Variants in UGT2A2 observed in about 807,000 individuals in gnomAD.
The protein encoded by UGT2A2 is UDP glucuronosyltransferase family 2 member A2.
UGT2A2 carries 60 observed loss-of-function variants against 50.7 expected under a neutral mutation model. That is an observed-to-expected ratio of 1.18 (90% CI 0.96 to 1.47). UGT2A2 has a LOEUF of 1.47. Ranked by LOEUF, UGT2A2 falls within the 40% of genes most tolerant of loss-of-function variation. UGT2A2 has a pLI of 0.00. For synonymous variants in UGT2A2, 242 were observed against 214.6 expected, an observed-to-expected ratio of 1.13 and a Z score of -1.11; for missense variants, 762 against 634.0, an observed-to-expected ratio of 1.20 and a Z score of -2.17.
At chr4:69,619,982 C>T (rs897442764) in intron 1 of UGT2A2, among the ~76,000 whole-genome samples, 18 of 151,892 alleles carry the variant, frequency 1.2e-4, no homozygotes, top group African/African-American at 4.3e-4. Flanking sequence ...AAGAAACATA[C>T]CTCAAAATAA....
intron 1 of UGT2A2, among the ~76,000 whole-genome samples, chr4:69,620,780 G>C (rs1206642683): frequency 1.3e-5 from 2 of 151,602 alleles, no homozygotes; most frequent in Non-Finnish European, 2.9e-5. Context: ...TATGGCACTG[G>C]TACAAAAACA....
At chr4:69,590,294 C>T (rs1215268449) in intron 5 of UGT2A2, among the ~76,000 whole-genome samples, 1 of 152,182 alleles carries the variant, frequency 6.6e-6, no homozygotes, top group Non-Finnish European at 1.5e-5. Context: ...AATTAGAGCT[C>T]TAAATCAACT....
chr4:69,596,676 C>T (rs996458657), intron 2 of UGT2A2, among the ~76,000 whole-genome samples: 5 of 152,110 alleles, frequency 3.3e-5, no homozygotes, highest in African/African-American at 1.2e-4. Context: ...CTCATGCCAT[C>T]GTGTCTGGCT....
chr4:69,619,080 G>C (rs1458173261), intron 1 of UGT2A2, among the ~76,000 whole-genome samples: 1 of 151,688 alleles, frequency 6.6e-6, no homozygotes, highest in African/African-American at 2.4e-5. Flanking sequence ...TCAGAAAAAA[G>C]TTTATCAATA....
At chr4:69,620,299 A>G (rs1443758833) in intron 1 of UGT2A2, among the ~76,000 whole-genome samples, 3 of 151,812 alleles carry the variant, frequency 2.0e-5, no homozygotes, top group African/African-American at 7.3e-5. Context: ...AGGAAAAAAA[A>G]TCTATCTACA....
At position 69,589,481 on chromosome 4, in the gene UGT2A2, A is replaced by C. The variant is rs199840845; in HGVS notation, c.1502T>G (p.Ile501Ser). Residue 501 changes from isoleucine to serine, a missense_variant, in exon 6 of 6, where the codon ATT becomes AGT. Coordinates refer to ENST00000604629, the MANE Select transcript of UGT2A2 (RefSeq NM_001105677.2). ...TWFQYHSLDV[I>S]GFLLVCVTTA... ...TGTCACACAGACCAGCAAGAACCCA[A>C]TTACATCCAAAGAGTGGTACTGGAA... is the stretch of plus-strand genomic sequence containing the variant. The C allele has an allele frequency of 6.2e-7, 1 of 1,614,102 alleles. No individual in the cohort carries two copies. The highest frequency in any genetic ancestry group is 1.3e-5 in the African/African-American group (1 of 75,024).
At chr4:69,621,217 C>T (rs1161581277) in intron 1 of UGT2A2, among the ~76,000 whole-genome samples, 1 of 151,926 alleles carries the variant, frequency 6.6e-6, no homozygotes, top group African/African-American at 2.4e-5. Context: ...AGACAATCTA[C>T]AGAATGAGAG....
intron 1 of UGT2A2, among the ~76,000 whole-genome samples, chr4:69,629,033 G>T (rs1721243479): frequency 6.6e-6 from 1 of 151,784 alleles, no homozygotes; most frequent in South Asian, 2.1e-4. Context: ...CTCTTCTCCT[G>T]AACTATGTTA....
intron 1 of UGT2A2, among the ~76,000 whole-genome samples, chr4:69,633,338 G>A (rs1045874105): frequency 6.6e-6 from 1 of 152,150 alleles, no homozygotes; most frequent in Non-Finnish European, 1.5e-5. Flanking sequence ...GATGACAATG[G>A]AGAAGAGCTG....
chr4:69,612,032 A>G (rs1474257087), intron 1 of UGT2A2, among the ~76,000 whole-genome samples: 1 of 152,092 alleles, frequency 6.6e-6, no homozygotes, highest in Non-Finnish European at 1.5e-5. Flanking sequence ...GTCAGCACTC[A>G]TGTGAAGTTC....
At chr4:69,600,967 A>G (rs1339519384) in intron 1 of UGT2A2, among the ~76,000 whole-genome samples, 1 of 152,052 alleles carries the variant, frequency 6.6e-6, no homozygotes, top group African/African-American at 2.4e-5. Flanking sequence ...TTGACATAAG[A>G]CTTGGGCAGA....
At chr4:69,630,673 A>G (rs866099377) in intron 1 of UGT2A2, among the ~76,000 whole-genome samples, 4 of 152,160 alleles carry the variant, frequency 2.6e-5, no homozygotes, top group Non-Finnish European at 5.9e-5. Flanking sequence ...ACTGGTCACA[A>G]AATAAAAACC....
In UGT2A2 at chr4:69,638,977, T is replaced by C. The variant is rs182483408; in HGVS notation, c.664A>G (p.Thr222Ala). The C allele has an allele frequency of 5.0e-6, 8 of 1,613,040 alleles. No homozygotes were observed. The highest frequency in any genetic ancestry group is 4.5e-5 in the East Asian group (2 of 44,856). ...TAGTCTTGCAGAGAATAAGATATGGTATTTTTAATCCTTTCACCAAAGGTC... is the reference window on the plus strand; with the variant it reads ...TAGTCTTGCAGAGAATAAGATATGGCATTTTTAATCCTTTCACCAAAGGTC... ...QMTFGERIKN[T>A]ISYSLQDYIF... Residue 222 changes from threonine to alanine, a missense_variant, in exon 1 of 6, where the codon ACC (threonine) becomes GCC (alanine). Transcript: ENST00000604629.
intron 1 of UGT2A2, 125 bp downstream of exon 1, chr4:69,638,774 C>T (rs1721866441): frequency 2.5e-6 from 3 of 1,213,046 alleles, no homozygotes; most frequent in African/African-American, 3.1e-5. Context: ...ATTGTTTGTA[C>T]AGAGATATAA....
At chr4:69,628,273 T>C (rs1240572142) in intron 1 of UGT2A2, among the ~76,000 whole-genome samples, 1 of 136,788 alleles carries the variant, frequency 7.3e-6, no homozygotes, top group African/African-American at 2.9e-5. Flanking sequence ...CCAAAATTTA[T>C]ATGGAGCCAC....
At chr4:69,621,370 T>C (rs531370979) in intron 1 of UGT2A2, among the ~76,000 whole-genome samples, 15 of 152,058 alleles carry the variant, frequency 9.9e-5, no homozygotes, top group African/African-American at 3.6e-4. Flanking sequence ...AAGACATACA[T>C]GCAACCATCA....
intron 1 of UGT2A2, among the ~76,000 whole-genome samples, chr4:69,630,590 G>A (rs1247558585): frequency 2.0e-5 from 3 of 152,060 alleles, no homozygotes; most frequent in Non-Finnish European, 4.4e-5. Context: ...GTCATAAACA[G>A]GGAATTATAA....
intron 1 of UGT2A2, among the ~76,000 whole-genome samples, chr4:69,619,140 A>G (rs1342598171): frequency 2.6e-5 from 4 of 151,868 alleles, no homozygotes; most frequent in African/African-American, 4.8e-5. Flanking sequence ...CTTCATGCCT[A>G]CAATCCCAGT....
At position 69,606,250 on chromosome 4, in the gene UGT2A2, G is replaced by C. The variant is rs1719605141; in HGVS notation, c.743-6856C>G. ...ATGATCAAGTGGGCTTCATCCCTGG[G>C]ACGCAAGGCTGGGTCAACATACGCA... On this transcript the variant is annotated intron_variant, in intron 1 of 5. Transcript: ENST00000604629. Among the ~76,000 whole-genome samples the C allele has an allele frequency of 2.2e-5, 3 of 136,348 alleles. 1 individual carries two copies. The highest frequency in any genetic ancestry group is 2.2e-4 in the Admixed American group (3 of 13,816). The allele number at this position is 136,348 out of a possible 152,430, so 89.4% of individuals were successfully genotyped here.
Sources: gnomAD v4.1 joint callset for allele counts (sites outside exome capture counted in the v4.1 genomes callset) on GRCh38, gnomAD v4.1.1 for gene constraint, MANE v1.5 for transcripts, NCBI Gene and HGNC (gene_info 2026-07-23, HGNC 2026-07-21) for gene names.